SNX33: variants seen among roughly 807,000 people sequenced by gnomAD.
SNX33 encodes sorting nexin-33.
SNX33 carries 19 observed loss-of-function variants against 38.8 expected under a neutral mutation model. That is an observed-to-expected ratio of 0.49 (90% CI 0.34 to 0.72). SNX33 has a LOEUF of 0.72. SNX33 is among the 30% of genes least tolerant of loss of function. The pLI is 0.01. For missense variants in SNX33, 641 were observed against 776.4 expected, an observed-to-expected ratio of 0.83 and a Z score of 2.07; for synonymous variants, 246 against 289.7, an observed-to-expected ratio of 0.85 and a Z score of 1.53.
chr15:75,649,200 C>A lies in SNX33; in HGVS notation c.98C>A (p.Thr33Asn). Residue 33 changes from threonine to asparagine, a missense_variant, in exon 1 of 2, where the codon ACC (threonine) becomes AAC (asparagine). By Grantham distance (65) the Thr-to-Asn change is moderately conservative. Transcript: ENST00000308527. The surrounding 1 kb of genome is among the most constrained non-coding windows in gnomAD (Gnocchi z 6.6). Reference protein sequence around the residue: ...QDEDLVIFSETSLDGWLQGQN... With the variant: ...QDEDLVIFSENSLDGWLQGQN... ...GAGGACCTGGTCATCTTTAGCGAGA[C>A]CTCACTGGATGGCTGGCTGCAGGGC... 1 of 1,614,170 alleles carries A rather than the reference C, an allele frequency of 6.2e-7. No homozygotes were observed. The highest frequency in any genetic ancestry group is 8.5e-7 in the Non-Finnish European group (1 of 1,180,012).
At chr15:75,655,697 G>A (rs1419919178) in intron 1 of SNX33, among the ~76,000 whole-genome samples, 1 of 152,214 alleles carries the variant, frequency 6.6e-6, no homozygotes, top group Admixed American at 6.5e-5. Flanking sequence ...GGAGTGAAGA[G>A]AATATTATCT....
rs780114828 is a variant in SNX33, at chr15:75,649,319, A to G, written c.217A>G (p.Ser73Gly). The part of the protein sequence containing the change: ...ISTNHADYSS[S>G]PAGSPGAQVS... ...CACCAACCATGCTGACTACTCCAGC[A>G]GCCCTGCAGGCTCTCCCGGAGCCCA... is the stretch of plus-strand genomic sequence containing the variant. Residue 73 changes from serine (S) to glycine (G), a missense_variant, in exon 1 of 2, where the codon AGC becomes GGC. By Grantham distance (56) the Ser-to-Gly change is moderately conservative. This residue lies in a region of SNX33 where 243 missense variants were observed against 233.9 expected (regional missense o/e 1.04). Transcript: ENST00000308527. The surrounding 1 kb of genome is among the most constrained non-coding windows in gnomAD (Gnocchi z 6.6). 11 of 1,595,744 alleles carry G rather than the reference A, an allele frequency of 6.9e-6. No homozygotes were observed. In the East Asian group the frequency reaches 2.5e-4, roughly 36 times the overall value.
Position 75,652,960 on chromosome 15 carries a change from A to G in SNX33, c.1471+2387A>G, listed in dbSNP as rs978953022. ...AGGATTCTGTCCAGCCTGTCTGGAC[A>G]TCTGAATGGGTGGTGAGTGTGTGGG... is the stretch of plus-strand genomic sequence containing the variant. On this transcript the variant is annotated intron_variant, in intron 1 of 1. Transcript: ENST00000308527. Among the ~76,000 whole-genome samples the G allele has an allele frequency of 2.0e-5, 3 of 152,126 alleles. No individual in the cohort carries two copies. The East Asian group carries it at 5.8e-4, about 29-fold the overall frequency.
chr15:75,653,833 G>T (rs916319132), intron 1 of SNX33, among the ~76,000 whole-genome samples: 1 of 152,094 alleles, frequency 6.6e-6, no homozygotes, highest in African/African-American at 2.4e-5. Flanking sequence ...TCCCTCTACC[G>T]CTCATCCTGT....
rs886881980 is a variant in SNX33 at position 75,662,201 on chromosome 15, T to C, written c.*4986T>C. ...ATTTTAAAGGCTGAATCCCACACTCTATCATACATATTAATATTTACCTGC... is the reference window on the plus strand; with the variant it reads ...ATTTTAAAGGCTGAATCCCACACTCCATCATACATATTAATATTTACCTGC... On this transcript the variant is annotated 3_prime_UTR_variant, in exon 2 of 2. Transcript: ENST00000308527. The C allele has an allele frequency of 1.3e-5, 2 of 152,190 alleles. No individual in the cohort carries two copies. Among genetic ancestry groups the C allele is most frequent in the Admixed American group, 6.5e-5 (1 of 15,288 alleles). 9.4% of individuals were successfully genotyped at this position (152,190 alleles called of 1,614,324 possible).
chr15:75,655,853 A>G (rs772775467), intron 1 of SNX33, among the ~76,000 whole-genome samples: 1 of 152,102 alleles, frequency 6.6e-6, no homozygotes, highest in Non-Finnish European at 1.5e-5. Flanking sequence ...TCTTCTTTGT[A>G]TGGTGGATTC....
At chr15:75,654,291 C>A (rs967468795) in intron 1 of SNX33, among the ~76,000 whole-genome samples, 1 of 151,994 alleles carries the variant, frequency 6.6e-6, no homozygotes, top group Non-Finnish European at 1.5e-5. Context: ...AGCACTATAC[C>A]GTGTGAGAGG....
chr15:75,657,213 T>C lies in SNX33; in HGVS notation c.1723T>C (p.Ter575ArgextTer64). The C allele has an allele frequency of 6.2e-7, 1 of 1,613,728 alleles. No homozygotes were observed. The highest frequency in any genetic ancestry group is 1.3e-5 in the African/African-American group (1 of 75,044). Residue 575 changes from the stop codon to arginine, a stop_lost, in exon 2 of 2, where the codon TGA (stop) becomes CGA (arginine). Coordinates refer to ENST00000308527, the MANE Select transcript of SNX33 (RefSeq NM_153271.2). This position sits in a 1 kb window ranked among gnomAD's most constrained non-coding sequence, Gnocchi z 5.5. ...EKTLRMYDNL[*>R] ...GACCCTGCGCATGTATGACAACCTCTGACCGCGTGTGCCTGGGCCCCCTCC... is the reference window on the plus strand; with the variant it reads ...GACCCTGCGCATGTATGACAACCTCCGACCGCGTGTGCCTGGGCCCCCTCC...
chr15:75,652,249 A>G (rs550659491), intron 1 of SNX33, among the ~76,000 whole-genome samples: 14 of 152,296 alleles, frequency 9.2e-5, no homozygotes, highest in Admixed American at 5.9e-4. Context: ...GCTCAGAAAC[A>G]GAATGACACC....
chr15:75,649,617 C>T lies in SNX33; in HGVS notation c.515C>T (p.Ser172Phe). 1 of 1,613,512 alleles carries T rather than the reference C, an allele frequency of 6.2e-7. No individual in the cohort carries two copies. The highest frequency in any genetic ancestry group is 1.7e-5 in the Admixed American group (1 of 59,948). Residue 172 changes from serine to phenylalanine, a missense_variant, in exon 1 of 2, where the codon TCT becomes TTT. Ser to Phe is a radical substitution (Grantham distance 155, BLOSUM62 -2). Coordinates refer to ENST00000308527, the MANE Select transcript of SNX33 (RefSeq NM_153271.2). The surrounding 1 kb of genome is among the most constrained non-coding windows in gnomAD (Gnocchi z 6.6). ...CTGGAGCGGCAGGACAGCCTGGCAT[C>T]TGCCAAGCGAGGCAGTGTGGTGGGC... ...PPLERQDSLA[S>F]AKRGSVVGRN...
At chr15:75,656,674 A>G (rs1893655529) in intron 1 of SNX33, among the ~76,000 whole-genome samples, 3 of 152,106 alleles carry the variant, frequency 2.0e-5, no homozygotes, top group Admixed American at 1.3e-4. Flanking sequence ...GACAGGCTCT[A>G]TCCTCATTGA....
rs1595998465 is a variant in SNX33 at position 75,650,012 on chromosome 15, G to A, written c.910G>A (p.Glu304Lys). 2 of 1,600,676 alleles carry A rather than the reference G, an allele frequency of 1.2e-6. No homozygotes were observed. The highest frequency in any genetic ancestry group is 1.7e-4 in the Middle Eastern group (1 of 5,996). ...TGGCCGCTTCGAGGAGGACTTCATC[G>A]AAAAGCGGAAGCGGAGACTCATCCT... ...ATGRFEEDFI[E>K]KRKRRLILWM... The change falls in exon 1 of 2, where the codon GAA becomes AAA. Residue 304 changes from glutamate (E) to lysine (K), a missense_variant. Transcript: ENST00000308527. The surrounding 1 kb of genome is among the most constrained non-coding windows in gnomAD (Gnocchi z 6.1).
rs542499190 is a variant in SNX33, at chr15:75,659,844, C to G, written c.*2629C>G. ...AGTGGAGTCTTGGGATAATGCCAGG[C>G]CTGCTCCTGGTATCCTGAGGTCTCT... On this transcript the variant is annotated 3_prime_UTR_variant, in exon 2 of 2. Transcript: ENST00000308527. The G allele has an allele frequency of 1.3e-5, 2 of 152,366 alleles. No homozygotes were observed. Among genetic ancestry groups the G allele is most frequent in the African/African-American group, 2.4e-5 (1 of 41,522 alleles). 9.4% of individuals were successfully genotyped at this position (152,366 alleles called of 1,614,324 possible). A position where few individuals can be genotyped will look rare whatever the true frequency, so the allele number is the denominator to read the frequency against.
intron 1 of SNX33, among the ~76,000 whole-genome samples, chr15:75,656,553 C>T (rs990921843): frequency 2.2e-4 from 33 of 152,228 alleles, no homozygotes; most frequent in Admixed American, 1.8e-3. Flanking sequence ...CGTGGCGGGG[C>T]TGTTGTAGCA....
chr15:75,659,379 G>C lies in SNX33; in HGVS notation c.*2164G>C, dbSNP rs567048487. The C allele has an allele frequency of 1.6e-4, 24 of 152,598 alleles. No homozygotes were observed. Among genetic ancestry groups the C allele is most frequent in the Middle Eastern group, 3.3e-3 (1 of 304 alleles). 9.5% of individuals were successfully genotyped at this position (152,598 alleles called of 1,614,324 possible). ...CAGCAGGTGCGGTGGGGGAAGGGGC[G>C]GGCAGGACTCCCTGTTCAGGGCATA... On this transcript the variant is annotated 3_prime_UTR_variant, in exon 2 of 2. Transcript: ENST00000308527.
intron 1 of SNX33, among the ~76,000 whole-genome samples, chr15:75,653,553 C>T (rs1007041482): frequency 6.6e-6 from 1 of 152,210 alleles, no homozygotes; most frequent in Non-Finnish European, 1.5e-5. Context: ...TGTCTGGCTC[C>T]GCAGCCCAGG....
In SNX33 at chr15:75,649,951, C is replaced by G; in HGVS notation, c.849C>G (p.Val283=). 6.2e-7 allele frequency: 1 copy of G among 1,604,722 alleles called. No homozygotes were observed. The highest frequency in any genetic ancestry group is 8.5e-7 in the Non-Finnish European group (1 of 1,175,910). ...LYNRLLHKFT[V]ISVPHLPEKQ... is the part of the protein sequence containing the mutation. The stretch of plus-strand genomic sequence containing the variant: ...ACCGCCTGCTACACAAGTTCACTGT[C>G]ATCTCGGTGCCCCACCTGCCTGAGA... Residue 283 remains valine (V), a synonymous_variant, in exon 1 of 2, where the codon GTC becomes GTG. Coordinates refer to ENST00000308527, the MANE Select transcript of SNX33 (RefSeq NM_153271.2). The surrounding 1 kb of genome is among the most constrained non-coding windows in gnomAD (Gnocchi z 6.6).
chr15:75,653,921 GTC>G (rs1236426467), intron 1 of SNX33, among the ~76,000 whole-genome samples: 5 of 151,884 alleles, frequency 3.3e-5, no homozygotes, highest in Admixed American at 1.3e-4. Context: ...GTGAAACCCT[GTC>G]TCTACTAAAA....
At position 75,648,932 on chromosome 15, in the gene SNX33, A is replaced by T; in HGVS notation, c.-171A>T. The stretch of plus-strand genomic sequence containing the variant: ...CTGGGCCATGGACATTGCTTTGAAG[A>T]GGGGGAGACTGGACAGCATCTGTGG... On this transcript the variant is annotated 5_prime_UTR_variant, in exon 1 of 2. Transcript: ENST00000308527. The surrounding 1 kb of genome is among the most constrained non-coding windows in gnomAD (Gnocchi z 4.4). 1.4e-6 allele frequency: 1 copy of T among 736,000 alleles called. No homozygotes were observed. The allele number at this position is 736,000 out of a possible 1,614,324, so 45.6% of individuals were successfully genotyped here.
Sources: gnomAD v4.1 joint callset for allele counts (sites outside exome capture counted in the v4.1 genomes callset) on GRCh38, gnomAD v4.1.1 for gene constraint, gnomAD v4.1.1 regional missense constraint, Gnocchi (gnomAD v3.1) non-coding constraint, MANE v1.5 for transcripts, NCBI Gene and HGNC (gene_info 2026-07-23, HGNC 2026-07-21) for gene names.